The following PGK1 variants were observed in gnomAD, a reference collection of about 807,000 sequenced individuals.
PGK1 encodes the protein PRP 2.
A neutral mutation model predicts 26.9 loss-of-function variants in PGK1; 3 were observed. That is an observed-to-expected ratio of 0.11 (90% CI 0.05 to 0.29). The LOEUF (loss-of-function observed/expected upper bound fraction) is 0.29. Among genes scored for constraint, PGK1 ranks in the 10% least tolerant of loss-of-function variants. The pLI, the probability that PGK1 is intolerant of heterozygous loss-of-function variation, is 1.00. For missense variants in PGK1, 270 were observed against 314.7 expected, an observed-to-expected ratio of 0.86 and a Z score of 1.07; for synonymous variants, 125 against 115.3, an observed-to-expected ratio of 1.08 and a Z score of -0.54.
At chrX:78,122,782 C>A in intron 6 of PGK1, 53 bp from the exon 7 acceptor site, 1 of 697,134 alleles carries the variant, frequency 1.4e-6, no homozygotes, top group Non-Finnish European at 2.3e-6. Context: ...CTATGTAATA[C>A]CACTTCTCTA....
chrX:78,114,064 C>T lies in PGK1; in HGVS notation c.321C>T (p.Ala107=). Residue 107 remains alanine (A), a synonymous_variant, in exon 4 of 11, where the codon GCC becomes GCT. Transcript: ENST00000373316. The stretch of plus-strand genomic sequence containing the variant: ...GTGTAGGCCCAGAAGTGGAGAAAGC[C>T]TGTGCCAACCCAGCTGCTGGGTCTG... ...KDCVGPEVEK[A]CANPAAGSVI... The T allele has an allele frequency of 8.3e-7, 1 of 1,209,659 alleles. No homozygotes were observed. Among genetic ancestry groups the T allele is most frequent in the Non-Finnish European group, 1.1e-6 (1 of 893,671 alleles).
At chrX:78,119,635 T>C (rs1299014384) in intron 6 of PGK1, among the ~76,000 whole-genome samples, 1 of 111,663 alleles carries the variant, frequency 9.0e-6, no homozygotes, top group Non-Finnish European at 1.9e-5. Flanking sequence ...ACCTGGTGAT[T>C]GGATCAAGGG....
chrX:78,125,485 G>A (rs1170478209), intron 10 of PGK1, 60 bp downstream of exon 10: 2 of 765,883 alleles, frequency 2.6e-6, no homozygotes, highest in African/African-American at 2.1e-5. Flanking sequence ...AGTGAGAGGT[G>A]GGTAGAATGG....
At position 78,125,897 on chromosome X, in the gene PGK1, T is replaced by A; in HGVS notation, c.*67T>A. 1.1e-6 allele frequency: 1 copy of A among 893,351 alleles called. No homozygotes were observed. Among genetic ancestry groups the A allele is most frequent in the South Asian group, 2.0e-5 (1 of 50,669 alleles). The allele number at this position is 893,351 out of a possible 1,213,427, so 73.6% of individuals were successfully genotyped here. A position where few individuals can be genotyped will look rare whatever the true frequency, so the allele number is the denominator to read the frequency against. On this transcript the variant is annotated 3_prime_UTR_variant, in exon 11 of 11. Coordinates refer to ENST00000373316, the MANE Select transcript of PGK1 (RefSeq NM_000291.4). ...AACTTAGCATTTTCTGCATCTCCACTTGGCATTAGCTAAAACCTTCCATGT... is the reference window on the plus strand; with the variant it reads ...AACTTAGCATTTTCTGCATCTCCACATGGCATTAGCTAAAACCTTCCATGT...
chrX:78,123,322 A>G lies in PGK1; in HGVS notation c.884A>G (p.Asn295Ser), dbSNP rs782216899. 8.3e-7 allele frequency: 1 copy of G among 1,209,769 alleles called. No individual in the cohort carries two copies. Among genetic ancestry groups the G allele is most frequent in the East Asian group, 3.0e-5 (1 of 33,822 alleles). Residue 295 changes from asparagine (N) to serine (S), a missense_variant, in exon 8 of 11, where the codon AAT becomes AGT. Asn to Ser is a conservative substitution (Grantham distance 46). Around this residue, in one of 3 missense-constraint regions of PGK1, gnomAD observed 103 missense variants for 114.6 expected, o/e 0.90. Coordinates refer to ENST00000373316, the MANE Select transcript of PGK1 (RefSeq NM_000291.4). Reference protein sequence around the residue: ...DFVTADKFDENAKTGQATVAS... With the variant: ...DFVTADKFDESAKTGQATVAS... ...GTCACTGCTGACAAGTTTGATGAGA[A>G]TGCCAAGACTGGCCAAGCCACTGTG...
Position 78,125,061 on chromosome X carries a change from C to T in PGK1, c.1114+10C>T. ...TGCATCACCATCATAGGTAAGCGGT[C>T]CTATACAAAGCTAATACCCATATAA... On this transcript the variant is annotated intron_variant, in intron 9 of 10. Transcript: ENST00000373316. 8.4e-7 allele frequency: 1 copy of T among 1,196,173 alleles called. No individual in the cohort carries two copies. Among genetic ancestry groups the T allele is most frequent in the Non-Finnish European group, 1.1e-6 (1 of 881,624 alleles).
intron 6 of PGK1, among the ~76,000 whole-genome samples, chrX:78,118,829 G>T (rs1271871815): frequency 9.0e-6 from 1 of 110,823 alleles, no homozygotes; most frequent in Non-Finnish European, 1.9e-5. Context: ...CTGGTAGGGA[G>T]GGGGAGCCAG....
chrX:78,122,995 A>C, intron 7 of PGK1, 46 bp downstream of exon 7: 1 of 794,820 alleles, frequency 1.3e-6, no homozygotes. Flanking sequence ...CTCCATGATA[A>C]TAGCAGGTTG....
intron 1 of PGK1, among the ~76,000 whole-genome samples, chrX:78,105,106 C>A (rs1352471652): frequency 1.8e-5 from 2 of 112,235 alleles, no homozygotes; most frequent in Non-Finnish European, 3.8e-5. Flanking sequence ...TACTTGCTGG[C>A]CTCCAATCTC....
rs1238738991 is a variant in PGK1, at chrX:78,129,106, CAGG to C, written c.*3279_*3281del. 2 of 111,197 alleles carry C rather than the reference CAGG, an allele frequency of 1.8e-5. No individual in the cohort carries two copies. Among genetic ancestry groups the C allele is most frequent in the East Asian group, 2.8e-4 (1 of 3,523 alleles). 9.2% of individuals were successfully genotyped at this position (111,197 alleles called of 1,213,427 possible). Reference sequence around the variant, plus strand: ...GTCCCAGCTACTCGGGAGGCTGAGGCAGGAGAATGGCGTGAACCTGGGAAGCGG... The same window carrying C: ...GTCCCAGCTACTCGGGAGGCTGAGGCAGAATGGCGTGAACCTGGGAAGCGG... On this transcript the variant is annotated 3_prime_UTR_variant, in exon 11 of 11. Transcript: ENST00000373316.
intron 6 of PGK1, among the ~76,000 whole-genome samples, chrX:78,119,488 A>T (rs1337693742): frequency 9.0e-6 from 1 of 111,444 alleles, no homozygotes; most frequent in Non-Finnish European, 1.9e-5. Context: ...CCCCCAGGGG[A>T]GTGAACATAC....
intron 9 of PGK1, 34 bp downstream of exon 9, chrX:78,125,085 A>G (rs1157901194): frequency 2.7e-6 from 3 of 1,110,243 alleles, no homozygotes; most frequent in East Asian, 6.0e-5. Flanking sequence ...ATACCCATAT[A>G]AGCTGGCAGA....
At chrX:78,105,169 C>G (rs953057740) in intron 1 of PGK1, among the ~76,000 whole-genome samples, 3 of 112,456 alleles carry the variant, frequency 2.7e-5, no homozygotes, top group African/African-American at 9.7e-5. Context: ...GAAGTTTCCT[C>G]GTGCACTTTG....
chrX:78,124,048 T>G (rs557522496), intron 8 of PGK1, among the ~76,000 whole-genome samples: 5 of 111,783 alleles, frequency 4.5e-5, no homozygotes, highest in African/African-American at 1.6e-4. Context: ...TAAGAAAACT[T>G]TCTCATATGA....
intron 4 of PGK1, 63 bp from the exon 5 acceptor site, chrX:78,117,249 A>G: frequency 1.3e-6 from 1 of 793,591 alleles, no homozygotes. Context: ...CTCTTGGTGT[A>G]TGAAATGCTT....
intron 6 of PGK1, among the ~76,000 whole-genome samples, chrX:78,118,613 C>G (rs979466733): frequency 2.7e-5 from 3 of 110,837 alleles, no homozygotes; most frequent in Admixed American, 9.6e-5. Context: ...AACAAACAAA[C>G]GAACGAACTA....
At chrX:78,104,934 T>C (rs2078263204) in intron 1 of PGK1, among the ~76,000 whole-genome samples, 1 of 110,560 alleles carries the variant, frequency 9.0e-6, no homozygotes, top group African/African-American at 3.3e-5. Flanking sequence ...ACTAAAGAAT[T>C]GGGGTGGGAG....
chrX:78,125,750 T>C (rs916066053), intron 10 of PGK1, 40 bp from the exon 11 acceptor site: 2 of 1,113,370 alleles, frequency 1.8e-6, no homozygotes, highest in Non-Finnish European at 2.5e-6. Flanking sequence ...CTGGGCCCTA[T>C]AGTAATGCTG....
rs2078389120 is a variant in PGK1 at position 78,127,669 on chromosome X, T to C, written c.*1839T>C. On this transcript the variant is annotated 3_prime_UTR_variant, in exon 11 of 11. Transcript: ENST00000373316. ...TAGACTCTATCCCTGACATGATGCT[T>C]CTAGACTATTTTGTTTAACCCTGGA... is the stretch of plus-strand genomic sequence containing the variant. 8.9e-6 allele frequency: 1 copy of C among 112,120 alleles called. No individual in the cohort carries two copies. Among genetic ancestry groups the C allele is most frequent in the African/African-American group, 3.2e-5 (1 of 30,850 alleles). The allele number at this position is 112,120 out of a possible 1,213,427, so 9.2% of individuals were successfully genotyped here.
Sources: allele counts gnomAD v4.1 joint callset (sites outside exome capture counted in the v4.1 genomes callset), GRCh38; gene constraint gnomAD v4.1.1; regional missense constraint gnomAD v4.1.1; transcripts MANE v1.5; gene names NCBI Gene and HGNC (gene_info 2026-07-23, HGNC 2026-07-21).